Variants in CTNNA2 observed in about 807,000 individuals in gnomAD.
CTNNA2 encodes catenin alpha 2, also known as catenin alpha-2.
In CTNNA2, 42 loss-of-function variants were observed where a neutral mutation model predicts 101.0. The ratio of observed to expected loss-of-function variants is 0.42; its 90% CI spans 0.32 to 0.54. The LOEUF (loss-of-function observed/expected upper bound fraction) is 0.54. CTNNA2 is among the 20% of genes least tolerant of loss of function. The pLI is 0.14. For missense variants in CTNNA2, 871 were observed against 1,223.1 expected, an observed-to-expected ratio of 0.71 and a Z score of 4.29; for synonymous variants, 450 against 456.4, an observed-to-expected ratio of 0.99 and a Z score of 0.18.
Position 79,202,963 on chromosome 2 carries a change from G to A in CTNNA2, c.-406+4887G>A, listed in dbSNP as rs183126858. Among the ~76,000 whole-genome samples, 995 of 152,312 alleles carry A rather than the reference G, an allele frequency of 6.5e-3. 5 individuals carry two copies. The highest frequency in any genetic ancestry group is 0.011 in the Non-Finnish European group (755 of 68,036). ...CAGAGATCAATGTAGTTTACCAGTA[G>A]ATCCGAATGGATTTAAAGTTCTTTA... is the stretch of plus-strand genomic sequence containing the variant. On this transcript the variant is annotated intron_variant, in intron 2 of 21. Transcript: ENST00000466387.
intron 6 of CTNNA2, among the ~76,000 whole-genome samples, chr2:79,891,962 A>T (rs1053350045): frequency 6.6e-6 from 1 of 152,102 alleles, no homozygotes; most frequent in Non-Finnish European, 1.5e-5. Context: ...TTTGCGAAAA[A>T]TTAAATCTGT....
At chr2:79,876,935 C>G (rs751924655) in intron 6 of CTNNA2, among the ~76,000 whole-genome samples, 7 of 151,680 alleles carry the variant, frequency 4.6e-5, no homozygotes. Context: ...TTTTATAAAA[C>G]ATGATATATT....
At chr2:80,290,033 T>C (rs1675103293) in intron 7 of CTNNA2, among the ~76,000 whole-genome samples, 1 of 152,110 alleles carries the variant, frequency 6.6e-6, no homozygotes, top group African/African-American at 2.4e-5. Context: ...CCTTAAATCT[T>C]TGCATAGGAC....
intron 14 of CTNNA2, among the ~76,000 whole-genome samples, chr2:80,588,789 T>A (rs1185524489): frequency 6.6e-6 from 1 of 152,114 alleles, no homozygotes; most frequent in African/African-American, 2.4e-5. Context: ...TTGTTGGGCA[T>A]CTCTCTGTAG....
intron 4 of CTNNA2, among the ~76,000 whole-genome samples, chr2:79,437,556 CCTT>C (rs970600248): frequency 6.6e-6 from 1 of 152,156 alleles, no homozygotes; most frequent in African/African-American, 2.4e-5. Context: ...AAATCATAAA[CCTT>C]GGAGGTGCCT....
chr2:79,719,647 AATG>A (rs1383672890), intron 2 of CTNNA2, among the ~76,000 whole-genome samples: 1 of 152,280 alleles, frequency 6.6e-6, no homozygotes, highest in African/African-American at 2.4e-5. Context: ...TACGATGATT[AATG>A]ATGATGACAA....
chr2:80,575,122 C>T (rs952696371), intron 13 of CTNNA2: 1 of 152,058 alleles, frequency 6.6e-6, no homozygotes, highest in Non-Finnish European at 1.5e-5. Flanking sequence ...ATTTATTAGC[C>T]ACATAATAAT....
At chr2:79,209,429 C>T (rs776072396) in intron 2 of CTNNA2, among the ~76,000 whole-genome samples, 7 of 152,184 alleles carry the variant, frequency 4.6e-5, no homozygotes, top group African/African-American at 2.4e-5. Flanking sequence ...TTACTCGATA[C>T]ATATTTGTTC....
intron 4 of CTNNA2, among the ~76,000 whole-genome samples, chr2:79,442,405 G>A (rs1451543): frequency 0.3 from 45,675 of 151,974 alleles, 7,088 homozygotes; most frequent in South Asian, 0.44. Flanking sequence ...AGGCAATAAC[G>A]TAGAGCCTGT....
intron 7 of CTNNA2, among the ~76,000 whole-genome samples, chr2:80,252,781 G>A (rs373090339): frequency 6.6e-5 from 10 of 152,282 alleles, no homozygotes; most frequent in African/African-American, 2.2e-4. Flanking sequence ...GCAAGCTCAC[G>A]AGGTTACAAG....
chr2:80,562,764 AAT>A (rs1693719052), intron 12 of CTNNA2, among the ~76,000 whole-genome samples: 1 of 152,196 alleles, frequency 6.6e-6, no homozygotes, highest in African/African-American at 2.4e-5. Context: ...CAGAATGGGG[AAT>A]AACTATACAA....
intron 1 of CTNNA2, among the ~76,000 whole-genome samples, 176 bp downstream of exon 1, chr2:79,513,383 C>A (rs548853995): frequency 6.7e-6 from 1 of 150,238 alleles, no homozygotes; most frequent in Non-Finnish European, 1.5e-5. Flanking sequence ...TCATCCCTTT[C>A]TTCCTCTCTC....
At chr2:80,408,503 A>G (rs149154698) in intron 8 of CTNNA2, among the ~76,000 whole-genome samples, 1 of 152,204 alleles carries the variant, frequency 6.6e-6, no homozygotes, top group Non-Finnish European at 1.5e-5. Flanking sequence ...TTTTTGGGGC[A>G]TATTACAAGC....
chr2:80,205,038 T>A (rs1007397052), intron 7 of CTNNA2, among the ~76,000 whole-genome samples: 2 of 152,140 alleles, frequency 1.3e-5, no homozygotes, highest in South Asian at 2.1e-4. Context: ...CCTGCCCCCA[T>A]AATTCAATCA....
chr2:80,178,871 T>C (rs1705575443), intron 7 of CTNNA2, among the ~76,000 whole-genome samples: 1 of 152,210 alleles, frequency 6.6e-6, no homozygotes, highest in South Asian at 2.1e-4. Flanking sequence ...TTTAGTTGGC[T>C]TTATTTTCCA....
chr2:80,020,837 CAA>C (rs1395932752), intron 7 of CTNNA2, among the ~76,000 whole-genome samples: 1 of 152,016 alleles, frequency 6.6e-6, no homozygotes, highest in Non-Finnish European at 1.5e-5. Flanking sequence ...AGCATGAACA[CAA>C]AGTTTTCCTT....
intron 7 of CTNNA2, among the ~76,000 whole-genome samples, chr2:79,996,993 A>G (rs997601833): frequency 6.6e-6 from 1 of 152,152 alleles, no homozygotes; most frequent in African/African-American, 2.4e-5. Flanking sequence ...AGAAGGGCAG[A>G]CATGGTAGGG....
chr2:79,204,463 A>C (rs1286843654), intron 2 of CTNNA2, among the ~76,000 whole-genome samples: 1 of 152,202 alleles, frequency 6.6e-6, no homozygotes, highest in Non-Finnish European at 1.5e-5. Flanking sequence ...AGCTCTTTAT[A>C]CTACCAGCAA....
rs78984659 is a variant in CTNNA2 at position 80,567,014 on chromosome 2, C to A, written c.1742-7149C>A. ...CTTAGCCAAGGGCTTTAATGAGATTCCAGCCATCCTCGTACCTCCTAGGGA... is the reference window on the plus strand; with the variant it reads ...CTTAGCCAAGGGCTTTAATGAGATTACAGCCATCCTCGTACCTCCTAGGGA... On this transcript the variant is annotated intron_variant, in intron 12 of 18. Transcript: ENST00000402739. 7.5e-3 allele frequency among the ~76,000 whole-genome samples: 1,139 copies of A among 152,148 alleles called. 6 individuals carry two copies. The highest frequency in any genetic ancestry group is 0.012 in the Non-Finnish European group (783 of 67,994).
Sources: allele counts gnomAD v4.1 joint callset (sites outside exome capture counted in the v4.1 genomes callset), GRCh38; gene constraint gnomAD v4.1.1; transcripts MANE v1.5; gene names NCBI Gene and HGNC (gene_info 2026-07-23, HGNC 2026-07-21).